The following ATP6V1C2 variants were observed in gnomAD, a reference collection of about 807,000 sequenced individuals.
ATP6V1C2 encodes ATPase H+ transporting V1 subunit C2.
A neutral mutation model predicts 56.8 loss-of-function variants in ATP6V1C2; 45 were observed. That is an observed-to-expected ratio of 0.79 (90% CI 0.62 to 1.02). ATP6V1C2 has a LOEUF of 1.02. Among genes scored for constraint, ATP6V1C2 ranks in the 50% least tolerant of loss-of-function variants. The pLI is 0.00. For synonymous variants in ATP6V1C2, 220 were observed against 201.3 expected, an observed-to-expected ratio of 1.09 and a Z score of -0.79; for missense variants, 463 against 519.7, an observed-to-expected ratio of 0.89 and a Z score of 1.06.
chr2:10,783,060 C>T, intron 13 of ATP6V1C2, 114 bp from the exon 14 acceptor site: 1 of 730,788 alleles, frequency 1.4e-6, no homozygotes, highest in Admixed American at 2.1e-5. Flanking sequence ...GGGTGGACCA[C>T]AGCTACGCAG....
At chr2:10,777,836 G>A in intron 11 of ATP6V1C2, 114 bp downstream of exon 11, 1 of 1,349,844 alleles carries the variant, frequency 7.4e-7, no homozygotes, top group Non-Finnish European at 9.9e-7. Context: ...TGGCTTTTGA[G>A]GTCTTAAATT....
chr2:10,743,723 G>T (rs564304761), intron 3 of ATP6V1C2, among the ~76,000 whole-genome samples: 7 of 151,708 alleles, frequency 4.6e-5, no homozygotes, highest in South Asian at 2.1e-4. Context: ...GGTGGCTCAC[G>T]CCTGTAATCC....
intron 8 of ATP6V1C2, 86 bp from the exon 9 acceptor site, chr2:10,774,702 C>A: frequency 8.6e-7 from 1 of 1,164,196 alleles, no homozygotes; most frequent in Non-Finnish European, 1.3e-6. Flanking sequence ...ACCCCAGGTG[C>A]AGGCCACCAG....
chr2:10,767,157 A>ATAT (rs1403505861), intron 5 of ATP6V1C2, among the ~76,000 whole-genome samples: 1 of 85,266 alleles, frequency 1.2e-5, no homozygotes, highest in Non-Finnish European at 2.4e-5. Context: ...ATCATTTTTT[A>ATAT]TCTTTTTTTT....
chr2:10,777,135 T>C (rs963438680), intron 10 of ATP6V1C2, among the ~76,000 whole-genome samples: 1 of 152,258 alleles, frequency 6.6e-6, no homozygotes, highest in Admixed American at 6.5e-5. Context: ...CCTAACTGCA[T>C]GCCCAACTCA....
At chr2:10,775,292 G>A (rs763176829) in intron 10 of ATP6V1C2, among the ~76,000 whole-genome samples, 2 of 152,154 alleles carry the variant, frequency 1.3e-5, no homozygotes, top group Admixed American at 6.5e-5. Flanking sequence ...GGCGGGAGCC[G>A]GGGGCCCACC....
At chr2:10,774,029 A>G (rs919424196) in intron 8 of ATP6V1C2, among the ~76,000 whole-genome samples, 1 of 152,226 alleles carries the variant, frequency 6.6e-6, no homozygotes, top group Non-Finnish European at 1.5e-5. Flanking sequence ...AGAGCCGGGG[A>G]TCCTTGACAG....
In ATP6V1C2 at chr2:10,748,756, G is replaced by A. The variant is rs369191759; in HGVS notation, c.198-5225G>A. 5.6e-4 allele frequency among the ~76,000 whole-genome samples: 85 copies of A among 152,216 alleles called. 1 individual carries two copies. The highest frequency in any genetic ancestry group is 1.9e-3 in the African/African-American group (77 of 41,526). On this transcript the variant is annotated intron_variant, in intron 3 of 13. Coordinates refer to ENST00000272238, the MANE Select transcript of ATP6V1C2 (RefSeq NM_001039362.2). ...CTTCTACCCTAGTTTACTGTGTAGG[G>A]TGACCTTTAGCTCTCTGAGTCTTAA...
At chr2:10,725,487 G>T (rs934449028) in intron 2 of ATP6V1C2, among the ~76,000 whole-genome samples, 5 of 130,452 alleles carry the variant, frequency 3.8e-5, no homozygotes, top group South Asian at 2.7e-4. Flanking sequence ...TCCCCAGCAA[G>T]AATTTTTTTT....
intron 3 of ATP6V1C2, among the ~76,000 whole-genome samples, chr2:10,737,719 T>C (rs1662331912): frequency 6.6e-6 from 1 of 152,202 alleles, no homozygotes; most frequent in South Asian, 2.1e-4. Flanking sequence ...AGACACAGTC[T>C]CACTCTGTCG....
intron 3 of ATP6V1C2, among the ~76,000 whole-genome samples, chr2:10,733,251 T>A (rs991657135): frequency 1.3e-5 from 2 of 151,866 alleles, no homozygotes; most frequent in Non-Finnish European, 2.9e-5. Context: ...GTGTTGGGAG[T>A]TGGTAGAGGT....
chr2:10,724,183 G>T lies in ATP6V1C2; in HGVS notation c.129+1205G>T, dbSNP rs115019712. 5.4e-3 allele frequency among the ~76,000 whole-genome samples: 821 copies of T among 152,292 alleles called. 8 individuals carry two copies. The highest frequency in any genetic ancestry group is 0.019 in the African/African-American group (776 of 41,566). ...ACATGGCACAGGTGCTGGTGAGATGGCACTGACTGCCCAGCATCTGCTCTT... is the reference window on the plus strand; with the variant it reads ...ACATGGCACAGGTGCTGGTGAGATGTCACTGACTGCCCAGCATCTGCTCTT... On this transcript the variant is annotated intron_variant, in intron 2 of 13. Coordinates refer to ENST00000272238, the MANE Select transcript of ATP6V1C2 (RefSeq NM_001039362.2).
chr2:10,785,075 C>G lies in ATP6V1C2; in HGVS notation c.*1812C>G. 1.6e-6 allele frequency: 2 copies of G among 1,276,680 alleles called. No homozygotes were observed. The highest frequency in any genetic ancestry group is 2.2e-6 in the Non-Finnish European group (2 of 895,884). The allele number at this position is 1,276,680 out of a possible 1,614,324, so 79.1% of individuals were successfully genotyped here. On this transcript the variant is annotated 3_prime_UTR_variant, in exon 14 of 14. Transcript: ENST00000272238. ...AACACACACACACATTTACAATGGA[C>G]TGCTGGTGCAGAAGAATAAACAACT... is the stretch of plus-strand genomic sequence containing the variant.
intron 2 of ATP6V1C2, among the ~76,000 whole-genome samples, chr2:10,726,021 G>T (rs1572494918): frequency 6.6e-6 from 1 of 152,092 alleles, no homozygotes; most frequent in African/African-American, 2.4e-5. Context: ...CGGAGGTTGA[G>T]GTGAGCCGAG....
chr2:10,739,033 A>T (rs966149576), intron 3 of ATP6V1C2, among the ~76,000 whole-genome samples: 7 of 152,160 alleles, frequency 4.6e-5, no homozygotes, highest in East Asian at 1.9e-4. Flanking sequence ...AGCCAGAGTG[A>T]TCTTTTTAAA....
At chr2:10,724,099 T>C (rs1007746066) in intron 2 of ATP6V1C2, among the ~76,000 whole-genome samples, 3 of 152,114 alleles carry the variant, frequency 2.0e-5, no homozygotes, top group African/African-American at 7.2e-5. Context: ...GGACTTACCG[T>C]GGTGCTTTCT....
intron 3 of ATP6V1C2, among the ~76,000 whole-genome samples, chr2:10,741,824 C>T (rs1022468060): frequency 3.3e-4 from 50 of 152,192 alleles, no homozygotes; most frequent in African/African-American, 1.0e-3. Flanking sequence ...GCCCTCCCTC[C>T]GATCCTGCCG....
chr2:10,771,725 G>A, intron 6 of ATP6V1C2, 114 bp from the exon 7 acceptor site: 1 of 785,296 alleles, frequency 1.3e-6, no homozygotes, highest in Admixed American at 1.8e-5. Flanking sequence ...CAGCATCCCT[G>A]GCACCCACCC....
At chr2:10,756,094 C>T (rs999462182) in intron 4 of ATP6V1C2, among the ~76,000 whole-genome samples, 11 of 152,174 alleles carry the variant, frequency 7.2e-5, no homozygotes, top group African/African-American at 2.4e-4. Flanking sequence ...TGGTGGCTCA[C>T]GCCTGTAATC....
Sources: allele counts gnomAD v4.1 joint callset (sites outside exome capture counted in the v4.1 genomes callset), GRCh38; gene constraint gnomAD v4.1.1; transcripts MANE v1.5; gene names NCBI Gene and HGNC (gene_info 2026-07-23, HGNC 2026-07-21).